NDUFAF6: variants seen among roughly 807,000 people sequenced by gnomAD.
NDUFAF6 encodes the protein NADH:ubiquinone oxidoreductase complex assembly factor 6, also known as NADH dehydrogenase (ubiquinone) complex I, assembly factor 6.
NDUFAF6 carries 45 observed loss-of-function variants against 40.8 expected under a neutral mutation model. That is an observed-to-expected ratio of 1.10 (90% CI 0.87 to 1.42). The LOEUF (loss-of-function observed/expected upper bound fraction) is 1.42, where lower values mean the gene tolerates loss of function less well. Among genes scored for constraint, NDUFAF6 ranks in the 40% most tolerant of loss-of-function variants. The pLI, the probability that NDUFAF6 is intolerant of heterozygous loss-of-function variation, is 0.00. For synonymous variants in NDUFAF6, 185 were observed against 155.9 expected, an observed-to-expected ratio of 1.19 and a Z score of -1.39; for missense variants, 435 against 418.5, an observed-to-expected ratio of 1.04 and a Z score of -0.34.
chr8:94,949,022 ACGCGCAACCGGCGCCCCGAAGGCAGGG>A (rs951748601), intron 2 of NDUFAF6: 1 of 148,550 alleles, frequency 6.7e-6, no homozygotes, highest in Non-Finnish European at 1.5e-5. Flanking sequence ...GGCTCGGTGA[ACGCGCAACCGGCGCCCCGAAGGCAGGG>A]CGCGCGGCCG....
At position 95,030,805 on chromosome 8, in the gene NDUFAF6, C is replaced by G. The variant is rs1440906688; in HGVS notation, c.198-1190C>G. ...TTGTAAAGAAAAGAGGTTTCTTTGA[C>G]TCATGGTTCTGCAGGCTGTGCAAGA... is the stretch of plus-strand genomic sequence containing the variant. On this transcript the variant is annotated intron_variant, in intron 1 of 8. Coordinates refer to ENST00000396124, the MANE Select transcript of NDUFAF6 (RefSeq NM_152416.4). Among the ~76,000 whole-genome samples the G allele has an allele frequency of 1.3e-5, 2 of 152,148 alleles. 1 individual carries two copies. The highest frequency in any genetic ancestry group is 6.3e-3 in the Middle Eastern group (2 of 316).
At chr8:95,109,752 T>G (rs1307768803) in intron 4 of NDUFAF6, among the ~76,000 whole-genome samples, 3 of 152,210 alleles carry the variant, frequency 2.0e-5, no homozygotes, top group African/African-American at 7.2e-5. Context: ...AGGACCTTTG[T>G]GATTACATTG....
intron 2 of NDUFAF6, among the ~76,000 whole-genome samples, chr8:94,998,513 GC>G (rs1168350293): frequency 6.6e-6 from 1 of 152,068 alleles, no homozygotes; most frequent in African/African-American, 2.4e-5. Context: ...ATAAAGAGCT[GC>G]CTTGTTCTTT....
chr8:95,056,121 T>G (rs777880089), intron 8 of NDUFAF6, among the ~76,000 whole-genome samples: 29 of 152,242 alleles, frequency 1.9e-4, no homozygotes, highest in Non-Finnish European at 4.0e-4. Flanking sequence ...TTTCTGAGAT[T>G]TGTACATATT....
At chr8:94,918,131 C>G (rs949761103) in intron 1 of NDUFAF6, among the ~76,000 whole-genome samples, 7 of 152,114 alleles carry the variant, frequency 4.6e-5, no homozygotes, top group Non-Finnish European at 1.0e-4. Context: ...TTTTAAAACT[C>G]AAACTTCTAA....
intron 1 of NDUFAF6, among the ~76,000 whole-genome samples, chr8:94,916,152 G>C (rs1205735247): frequency 6.6e-6 from 1 of 152,170 alleles, no homozygotes; most frequent in Non-Finnish European, 1.5e-5. Flanking sequence ...GAAGTAGCAA[G>C]ATAGTGTAGA....
At chr8:95,111,448 G>T (rs1809996705) in intron 4 of NDUFAF6, among the ~76,000 whole-genome samples, 1 of 152,116 alleles carries the variant, frequency 6.6e-6, no homozygotes, top group African/African-American at 2.4e-5. Flanking sequence ...TTTTTACTTG[G>T]TGTTTATAAA....
At chr8:94,937,728 G>A (rs1053157048) in intron 1 of NDUFAF6, among the ~76,000 whole-genome samples, 7 of 152,180 alleles carry the variant, frequency 4.6e-5, no homozygotes, top group Admixed American at 2.6e-4. Context: ...TGAGCAAGAA[G>A]CTGTAACTAT....
At chr8:94,909,406 C>G (rs938174995) in intron 1 of NDUFAF6, among the ~76,000 whole-genome samples, 2 of 126,804 alleles carry the variant, frequency 1.6e-5, no homozygotes, top group Non-Finnish European at 3.2e-5. Flanking sequence ...CAAGGCGGAT[C>G]ACAAGGTCAG....
At chr8:95,076,177 A>G (rs990633138), downstream of NDUFAF6, 1 of 153,880 alleles carries the variant, frequency 6.5e-6, no homozygotes, top group African/African-American at 2.4e-5. Flanking sequence ...GGAATTATTA[A>G]TAAAAATTGC....
At chr8:94,914,139 T>C (rs940811679) in intron 1 of NDUFAF6, among the ~76,000 whole-genome samples, 7 of 147,438 alleles carry the variant, frequency 4.7e-5, no homozygotes, top group Non-Finnish European at 1.0e-4. Flanking sequence ...GTGGTTTCTC[T>C]GCTTAAGACA....
intron 1 of NDUFAF6, chr8:94,929,481 C>G (rs1820188803): frequency 6.9e-6 from 1 of 145,702 alleles, no homozygotes; most frequent in Non-Finnish European, 1.5e-5. Flanking sequence ...CCATGAAAGA[C>G]ATCATCACCA....
At chr8:94,925,449 A>G (rs73697049) in intron 1 of NDUFAF6, among the ~76,000 whole-genome samples, 4,917 of 152,200 alleles carry the variant, frequency 0.032, 233 homozygotes, top group African/African-American at 0.11. Context: ...ATTACATTCT[A>G]TATTTTTAAA....
upstream of NDUFAF6, among the ~76,000 whole-genome samples, chr8:95,099,266 C>T (rs898371391): frequency 4.6e-5 from 7 of 151,640 alleles, no homozygotes; most frequent in African/African-American, 1.2e-4. Flanking sequence ...CAAAAGCTGG[C>T]GTCTCTTTCA....
At chr8:95,064,841 C>CT (rs1832664283) in intron 9 of NDUFAF6, among the ~76,000 whole-genome samples, 1 of 152,160 alleles carries the variant, frequency 6.6e-6, no homozygotes, top group Non-Finnish European at 1.5e-5. Context: ...CAAGAAGAAT[C>CT]TAAACGGACG....
downstream of NDUFAF6, chr8:95,078,662 A>AAATATATATATATATATATATATATAT (rs545018367): frequency 5.0e-5 from 6 of 121,038 alleles, no homozygotes; most frequent in African/African-American, 9.8e-5. Context: ...AAAAAAAAAA[A>AAATATATATATATATATATATATATAT]ATATATATAT....
intron 1 of NDUFAF6, among the ~76,000 whole-genome samples, chr8:94,912,556 G>C (rs1223506176): frequency 3.3e-5 from 5 of 152,038 alleles, no homozygotes; most frequent in African/African-American, 1.2e-4. Context: ...CAGCACTTTG[G>C]GAGGCCAAGG....
intron 2 of NDUFAF6, chr8:94,988,847 G>A (rs187308313): frequency 3.1e-4 from 47 of 152,338 alleles, no homozygotes; most frequent in African/African-American, 1.1e-3. Flanking sequence ...ATCTTGTTCA[G>A]CTGTGAGAAG....
chr8:95,105,062 CACACAGAGAGAGAGAGAGAGAGAG>C (rs1223909745), downstream of NDUFAF6, among the ~76,000 whole-genome samples: 6 of 65,370 alleles, frequency 9.2e-5, no homozygotes, highest in Non-Finnish European at 1.6e-4. Context: ...CACACACACA[CACACAGAGAGAGAGAGAGAGAGAG>C]AGAGAGAGAG....
Sources: allele counts gnomAD v4.1 joint callset (sites outside exome capture counted in the v4.1 genomes callset), GRCh38; gene constraint gnomAD v4.1.1; transcripts MANE v1.5; gene names NCBI Gene and HGNC (gene_info 2026-07-23, HGNC 2026-07-21).